Variants in TEX9 observed in about 807,000 individuals in gnomAD.
TEX9 encodes the protein testis expressed 9, also known as testis-expressed protein 9.
Under a neutral mutation model 59.6 loss-of-function variants are expected in TEX9, and 74 were observed. That is an observed-to-expected ratio of 1.24 (90% confidence interval 1.03 to 1.51). TEX9 has a LOEUF of 1.51. TEX9 is among the 40% of genes most tolerant of loss of function. TEX9 has a pLI of 0.00. For missense variants in TEX9, 522 were observed against 447.8 expected, an observed-to-expected ratio of 1.17 and a Z score of -1.49; for synonymous variants, 186 against 152.2, an observed-to-expected ratio of 1.22 and a Z score of -1.64.
intron 10 of TEX9, among the ~76,000 whole-genome samples, chr15:56,413,225 ATTTATT>A (rs1327317238): frequency 6.9e-5 from 8 of 116,666 alleles, no homozygotes; most frequent in African/African-American, 2.4e-4. Context: ...AAATAATTTA[ATTTATT>A]TAATACTTAA....
At chr15:56,322,914 A>G (rs1287871505) in intron 1 of TEX9, among the ~76,000 whole-genome samples, 1 of 152,170 alleles carries the variant, frequency 6.6e-6, no homozygotes, top group Non-Finnish European at 1.5e-5. Flanking sequence ...AATGGTAAAG[A>G]GAGAATGGGG....
chr15:56,311,983 A>T (rs1274879568), intron 1 of TEX9, among the ~76,000 whole-genome samples: 2 of 150,198 alleles, frequency 1.3e-5, no homozygotes, highest in African/African-American at 4.9e-5. Flanking sequence ...CCACTTTTTG[A>T]TGGGGTTGTT....
intron 1 of TEX9, among the ~76,000 whole-genome samples, chr15:56,301,814 G>C (rs1174584689): frequency 6.6e-6 from 1 of 152,116 alleles, no homozygotes; most frequent in African/African-American, 2.4e-5. Context: ...CAATCTGAAA[G>C]AAAAGGACAT....
intron 12 of TEX9, among the ~76,000 whole-genome samples, chr15:56,437,643 G>A (rs1391297065): frequency 6.6e-6 from 1 of 152,116 alleles, no homozygotes; most frequent in Non-Finnish European, 1.5e-5. Flanking sequence ...AAGAAAGAAA[G>A]GGTATTCAAT....
chr15:56,351,061 A>T (rs1392770350), intron 1 of TEX9, among the ~76,000 whole-genome samples: 1 of 152,188 alleles, frequency 6.6e-6, no homozygotes, highest in African/African-American at 2.4e-5. Context: ...GAAACTTAAG[A>T]TACAACAAAT....
At chr15:56,295,058 A>G (rs1198096466) in intron 1 of TEX9, among the ~76,000 whole-genome samples, 1 of 152,072 alleles carries the variant, frequency 6.6e-6, no homozygotes, top group Non-Finnish European at 1.5e-5. Context: ...TTTTTCCTTA[A>G]CTAGTAATAA....
At chr15:56,303,477 A>G (rs1596075414) in intron 1 of TEX9, among the ~76,000 whole-genome samples, 1 of 152,254 alleles carries the variant, frequency 6.6e-6, no homozygotes, top group East Asian at 1.9e-4. Context: ...GAAATTTAAA[A>G]CTTTCTTGAA....
chr15:56,306,225 G>T (rs1422641244), intron 1 of TEX9, among the ~76,000 whole-genome samples: 1 of 112,346 alleles, frequency 8.9e-6, no homozygotes, highest in African/African-American at 3.6e-5. Context: ...AAAACTACCA[G>T]CAATGCCACT....
chr15:56,401,351 CCTCTGACAAAACAGACTTTAAA>C (rs2048771212), intron 9 of TEX9, among the ~76,000 whole-genome samples: 1 of 146,352 alleles, frequency 6.8e-6, no homozygotes, highest in Non-Finnish European at 1.5e-5. Flanking sequence ...GCAATCCTAG[CCTCTGACAAAACAGACTTTAAA>C]CCAACAAAGA....
At chr15:56,380,811 GTTGT>G (rs1254670951) in intron 3 of TEX9, among the ~76,000 whole-genome samples, 2 of 152,068 alleles carry the variant, frequency 1.3e-5, no homozygotes, top group Non-Finnish European at 2.9e-5. Context: ...TTCTTTGTAT[GTTGT>G]TTGTTTCTTT....
At chr15:56,264,201 T>C (rs2044329304) in intron 1 of TEX9, among the ~76,000 whole-genome samples, 2 of 152,198 alleles carry the variant, frequency 1.3e-5, no homozygotes, top group Admixed American at 1.3e-4. Context: ...CCAGCAATAA[T>C]GAATAAGGAT....
the TEX9 span, among the ~76,000 whole-genome samples, chr15:56,453,437 A>G: frequency 0.044 from 6,731 of 152,200 alleles, 225 homozygotes; most frequent in Admixed American, 0.089. Flanking sequence ...CTATTTTATG[A>G]ATTAACAGCT....
intron 1 of TEX9, among the ~76,000 whole-genome samples, chr15:56,265,297 G>T (rs2044354901): frequency 6.6e-6 from 1 of 151,382 alleles, no homozygotes; most frequent in African/African-American, 2.4e-5. Flanking sequence ...TCCCCGAGTT[G>T]CTGAAACTAC....
intron 1 of TEX9, among the ~76,000 whole-genome samples, chr15:56,267,099 T>G (rs1323799992): frequency 6.6e-6 from 1 of 152,250 alleles, no homozygotes; most frequent in Non-Finnish European, 1.5e-5. Flanking sequence ...TTTTTTCATG[T>G]GTCTGTTCAC....
At chr15:56,457,501 C>T in the TEX9 span, among the ~76,000 whole-genome samples, 1 of 152,184 alleles carries the variant, frequency 6.6e-6, no homozygotes, top group South Asian at 2.1e-4. Flanking sequence ...TACAGGCATT[C>T]TGAAAATCAG....
chr15:56,286,355 G>A lies in TEX9; in HGVS notation c.-107+42077G>A, dbSNP rs530383929. Among the ~76,000 whole-genome samples, 66 of 152,282 alleles carry A rather than the reference G, an allele frequency of 4.3e-4. 1 individual carries two copies. The highest frequency in any genetic ancestry group is 4.1e-3 in the Admixed American group (62 of 15,290). Reference sequence around the variant, plus strand: ...TAAAATAACAGCTTCTTAGACTGAGGATAGGCGATGAAAATGAGATCTGTG... The same window carrying A: ...TAAAATAACAGCTTCTTAGACTGAGAATAGGCGATGAAAATGAGATCTGTG... On this transcript the variant is annotated intron_variant, in intron 1 of 5. Transcript: ENST00000560827.
chr15:56,346,275 T>C (rs2046468378), intron 1 of TEX9, among the ~76,000 whole-genome samples: 4 of 152,170 alleles, frequency 2.6e-5, no homozygotes, highest in Non-Finnish European at 5.9e-5. Context: ...AGCTCAAGTA[T>C]GATTTGGGGT....
intron 12 of TEX9, chr15:56,434,485 A>G: frequency 2.3e-6 from 3 of 1,329,820 alleles, no homozygotes; most frequent in Non-Finnish European, 3.1e-6. Flanking sequence ...TAAATTTAGT[A>G]TTACAATATG....
chr15:56,379,438 A>G (rs556257520), intron 3 of TEX9, among the ~76,000 whole-genome samples: 2 of 152,318 alleles, frequency 1.3e-5, no homozygotes, highest in Admixed American at 6.5e-5. Flanking sequence ...TTTTTAAAAT[A>G]TTTTACAACT....
Sources: gnomAD v4.1 joint callset for allele counts (sites outside exome capture counted in the v4.1 genomes callset) on GRCh38, gnomAD v4.1.1 for gene constraint, MANE v1.5 for transcripts, NCBI Gene and HGNC (gene_info 2026-07-23, HGNC 2026-07-21) for gene names.